Variants in DPYD observed in about 807,000 individuals in gnomAD.
DPYD encodes the protein dihydropyrimidine dehydrogenase.
A neutral mutation model predicts 116.2 loss-of-function variants in DPYD; 109 were observed. The ratio of observed to expected loss-of-function variants is 0.94; its 90% CI spans 0.80 to 1.10. The LOEUF (loss-of-function observed/expected upper bound fraction) is 1.10, where lower values mean the gene tolerates loss of function less well. Ranked by LOEUF, DPYD falls within the 50% of genes least tolerant of loss-of-function variation. DPYD has a pLI of 0.00. For synonymous variants in DPYD, 440 were observed against 432.0 expected (o/e 1.02, Z -0.23); for missense variants, 1,302 against 1,254.5 (o/e 1.04, Z -0.57).
At chr1:97,267,158 C>T (rs601149) in intron 18 of DPYD, among the ~76,000 whole-genome samples, 77,374 of 151,948 alleles carry the variant, frequency 0.51, 20,676 homozygotes, top group African/African-American at 0.68. Context: ...AGTGTAAAAG[C>T]GTTTCTATTT....
At chr1:97,500,129 GAAC>G (rs145468225) in intron 13 of DPYD, among the ~76,000 whole-genome samples, 2,718 of 151,958 alleles carry the variant, frequency 0.018, 99 homozygotes, top group African/African-American at 0.062. Context: ...CAGCTACAAA[GAAC>G]AATAAAAACA....
chr1:97,525,179 C>T lies in DPYD; in HGVS notation c.1525-9238G>A, dbSNP rs184209894. 7.6e-4 allele frequency among the ~76,000 whole-genome samples: 115 copies of T among 152,292 alleles called. 3 individuals carry two copies. The highest frequency in any genetic ancestry group is 9.8e-4 in the Admixed American group (15 of 15,286). ...AACCTCTTAACTCATCCCTTTGCTTCATGTCTCAGTCTTTCGCAGCACAGG... is the reference window on the plus strand; with the variant it reads ...AACCTCTTAACTCATCCCTTTGCTTTATGTCTCAGTCTTTCGCAGCACAGG... On this transcript the variant is annotated intron_variant, in intron 12 of 22. Coordinates refer to ENST00000370192, the MANE Select transcript of DPYD (RefSeq NM_000110.4).
intron 15 of DPYD, among the ~76,000 whole-genome samples, chr1:97,374,146 T>A (rs890444691): frequency 6.6e-6 from 1 of 152,218 alleles, no homozygotes; most frequent in African/African-American, 2.4e-5. Context: ...TGTAGTAGGC[T>A]AGCTAGAATG....
chr1:97,801,830 T>C (rs117386295), intron 3 of DPYD, among the ~76,000 whole-genome samples: 2 of 151,582 alleles, frequency 1.3e-5, no homozygotes, highest in East Asian at 3.9e-4. Context: ...ATTCACTGCT[T>C]AGCATGTTTT....
chr1:97,587,332 A>G (rs1004095398), intron 10 of DPYD, among the ~76,000 whole-genome samples: 1 of 152,196 alleles, frequency 6.6e-6, no homozygotes, highest in East Asian at 1.9e-4. Context: ...AATCATGTCA[A>G]CATGTCTCTG....
chr1:97,646,319 A>AT (rs147049417), intron 8 of DPYD, among the ~76,000 whole-genome samples: 4,352 of 142,216 alleles, frequency 0.031, 198 homozygotes, highest in African/African-American at 0.1. Flanking sequence ...TCTTCTTTTT[A>AT]TTTTTTTTTT....
At chr1:97,287,150 G>A (rs1161870046) in intron 18 of DPYD, among the ~76,000 whole-genome samples, 1 of 152,174 alleles carries the variant, frequency 6.6e-6, no homozygotes, top group Non-Finnish European at 1.5e-5. Context: ...TAACAGACAG[G>A]ACCCTCAGCT....
intron 16 of DPYD, among the ~76,000 whole-genome samples, chr1:97,352,968 G>T (rs536880173): frequency 1.3e-5 from 2 of 152,078 alleles, no homozygotes; most frequent in East Asian, 1.9e-4. Flanking sequence ...ATCAAGCAAG[G>T]GGGGTGGGGG....
intron 4 of DPYD, among the ~76,000 whole-genome samples, chr1:97,724,184 C>T (rs1424374942): frequency 1.3e-5 from 2 of 151,552 alleles, no homozygotes; most frequent in African/African-American, 4.8e-5. Flanking sequence ...TAACATCTCA[C>T]TTTATGGTGA....
At chr1:97,246,525 T>C (rs978742326) in intron 18 of DPYD, among the ~76,000 whole-genome samples, 1 of 152,158 alleles carries the variant, frequency 6.6e-6, no homozygotes, top group African/African-American at 2.4e-5. Context: ...TATTTCAAAC[T>C]GTGGCAGAGT....
chr1:97,744,058 C>T (rs868462560), intron 3 of DPYD, among the ~76,000 whole-genome samples: 4 of 151,608 alleles, frequency 2.6e-5, no homozygotes, highest in Admixed American at 6.6e-5. Flanking sequence ...ATGAATTTGT[C>T]GAAGAGCAAA....
At chr1:97,591,586 T>C (rs1262350615) in intron 10 of DPYD, among the ~76,000 whole-genome samples, 1 of 152,222 alleles carries the variant, frequency 6.6e-6, no homozygotes, top group Non-Finnish European at 1.5e-5. Flanking sequence ...CACCATTCAT[T>C]TCCAGTGACC....
At position 97,161,189 on chromosome 1, in the gene DPYD, C is replaced by T. The variant is rs192350458; in HGVS notation, c.2622+31880G>A. On this transcript the variant is annotated intron_variant, in intron 20 of 22. Transcript: ENST00000370192. Reference sequence around the variant, plus strand: ...ACTTCTGGCTCATACCAATTAATTTCTTCAAGGATTTTTCCCTTAAATAAA... The same window carrying T: ...ACTTCTGGCTCATACCAATTAATTTTTTCAAGGATTTTTCCCTTAAATAAA... Among the ~76,000 whole-genome samples, 370 of 152,252 alleles carry T rather than the reference C, an allele frequency of 2.4e-3. 1 individual carries two copies. Among genetic ancestry groups the T allele is most frequent in the Non-Finnish European group, 4.0e-3 (275 of 67,996 alleles).
At chr1:97,536,803 T>C (rs1570920934) in intron 12 of DPYD, among the ~76,000 whole-genome samples, 2 of 152,222 alleles carry the variant, frequency 1.3e-5, no homozygotes, top group African/African-American at 2.4e-5. Flanking sequence ...GCTGGAAAGA[T>C]GACACTTGAC....
intron 3 of DPYD, among the ~76,000 whole-genome samples, chr1:97,826,813 AC>A (rs1245489030): frequency 6.6e-6 from 1 of 152,014 alleles, no homozygotes; most frequent in African/African-American, 2.4e-5. Flanking sequence ...TCTATTGTGT[AC>A]TCAGTTTTAT....
At chr1:97,384,128 GA>G (rs1165966927) in intron 14 of DPYD, among the ~76,000 whole-genome samples, 1 of 151,538 alleles carries the variant, frequency 6.6e-6, no homozygotes, top group Non-Finnish European at 1.5e-5. Context: ...AAAAAATAAA[GA>G]CTAAGAGATT....
intron 21 of DPYD, among the ~76,000 whole-genome samples, chr1:97,092,328 T>A (rs981638268): frequency 2.0e-5 from 3 of 152,184 alleles, no homozygotes; most frequent in Non-Finnish European, 4.4e-5. Context: ...ATGGATGAAT[T>A]TGACAACTGT....
intron 18 of DPYD, among the ~76,000 whole-genome samples, chr1:97,287,005 A>G (rs1665737034): frequency 1.3e-5 from 2 of 152,180 alleles, no homozygotes; most frequent in African/African-American, 4.8e-5. Context: ...TCTGCTTTTT[A>G]GAGTTTCCAG....
At position 97,721,524 on chromosome 1, in the gene DPYD, G is replaced by C. The variant is rs1662924007; in HGVS notation, c.469C>G (p.Gln157Glu). The change falls in exon 5 of 23, where the codon CAA becomes GAA. Residue 157 changes from glutamine to glutamate, a missense_variant. Coordinates refer to ENST00000370192, the MANE Select transcript of DPYD (RefSeq NM_000110.4). ...EGPINIGGLQQFATEVFKAMS... is the reference protein window; with the variant it reads ...EGPINIGGLQEFATEVFKAMS... ...ATCATACATACCTCAGTAGCAAATT[G>C]CTGCAATCCACCAATATTAATGGGT... 6.2e-7 allele frequency: 1 copy of C among 1,611,288 alleles called. No homozygotes were observed. The highest frequency in any genetic ancestry group is 8.5e-7 in the Non-Finnish European group (1 of 1,178,100).
Sources: allele counts gnomAD v4.1 joint callset (sites outside exome capture counted in the v4.1 genomes callset), GRCh38; gene constraint gnomAD v4.1.1; transcripts MANE v1.5; gene names NCBI Gene and HGNC (gene_info 2026-07-23, HGNC 2026-07-21).